SETD6: variants seen among roughly 807,000 people sequenced by gnomAD.
The protein encoded by SETD6 is N-lysine methyltransferase SETD6.
Under a neutral mutation model 52.7 loss-of-function variants are expected in SETD6, and 67 were observed. That is an observed-to-expected ratio of 1.27 (90% CI 1.04 to 1.56). SETD6 has a LOEUF of 1.56. Ranked by LOEUF, SETD6 falls within the 40% of genes most tolerant of loss-of-function variation. The pLI is 0.00. For missense variants in SETD6, 712 were observed against 607.5 expected, an observed-to-expected ratio of 1.17 and a Z score of -1.81; for synonymous variants, 307 against 250.2, an observed-to-expected ratio of 1.23 and a Z score of -2.14.
In SETD6 at chr16:58,521,887, G is replaced by A. The variant is rs1597387115; in HGVS notation, c.*2858G>A. ...AATCGCTTGAACCCAGTAGGTGGAG[G>A]TTGTGGTGAGCCGAGATGGTGCCAC... On this transcript the variant is annotated 3_prime_UTR_variant, in exon 8 of 8. Coordinates refer to ENST00000219315, the MANE Select transcript of SETD6 (RefSeq NM_001160305.4). Among the ~76,000 whole-genome samples, 2 of 152,136 alleles carry A rather than the reference G, an allele frequency of 1.3e-5. No individual in the cohort carries two copies. The highest frequency in any genetic ancestry group is 6.5e-5 in the Admixed American group (1 of 15,278).
chr16:58,516,393 A>G (rs931369071), intron 3 of SETD6, 50 bp downstream of exon 3: 2 of 1,534,730 alleles, frequency 1.3e-6, no homozygotes, highest in Non-Finnish European at 8.7e-7. Flanking sequence ...AGCCTGCTGC[A>G]AGAAGTTTCC....
In SETD6 at chr16:58,520,082, T is replaced by A. The variant is rs1054255039; in HGVS notation, c.*1053T>A. 6.6e-6 allele frequency: 1 copy of A among 152,206 alleles called. No homozygotes were observed. The highest frequency in any genetic ancestry group is 2.4e-5 in the African/African-American group (1 of 41,452). The allele number at this position is 152,206 out of a possible 1,614,324, so 9.4% of individuals were successfully genotyped here. ...ATTTGCAAAACATTCAAAATCCTTA[T>A]AAAAGGGGCTGTATTGGTCCTTTCA... On this transcript the variant is annotated 3_prime_UTR_variant, in exon 8 of 8. Transcript: ENST00000219315.
chr16:58,517,070 G>C (rs775714163), intron 5 of SETD6, 142 bp downstream of exon 5: 1 of 1,209,076 alleles, frequency 8.3e-7, no homozygotes, highest in East Asian at 2.4e-5. Flanking sequence ...TATTACTGTA[G>C]AATCATTTGA....
rs1326397959 is a variant in SETD6 at position 58,515,564 on chromosome 16, G to A, written c.27G>A (p.Arg9=). 2.5e-6 allele frequency: 4 copies of A among 1,580,376 alleles called. No homozygotes were observed. The highest frequency in any genetic ancestry group is 1.4e-5 in the African/African-American group (1 of 72,428). Residue 9 remains arginine (R), a splice_region_variant and synonymous_variant, in exon 1 of 8, where the codon CGG becomes CGA. Coordinates refer to ENST00000219315, the MANE Select transcript of SETD6 (RefSeq NM_001160305.4). Reference sequence around the variant, plus strand: ...TGGCGACCCAGGCGAAGCGTCCACGGGTGAGTGGCGGGCGCGGGGTCCAGC... The same window carrying A: ...TGGCGACCCAGGCGAAGCGTCCACGAGTGAGTGGCGGGCGCGGGGTCCAGC... The part of the protein sequence containing the change: MATQAKRP[R]VAGPVDGGDL...
In SETD6 at chr16:58,523,240, G is replaced by T; in HGVS notation, c.*4211G>T. 1.0e-6 allele frequency: 1 copy of T among 958,198 alleles called. No homozygotes were observed. The highest frequency in any genetic ancestry group is 1.5e-6 in the Non-Finnish European group (1 of 679,468). 59.4% of individuals were successfully genotyped at this position (958,198 alleles called of 1,614,324 possible). ...AGACTGAGTGACAGAGCAACACTCCGTCTCAAAAAAACAAAAAAAAAACCA... is the reference window on the plus strand; with the variant it reads ...AGACTGAGTGACAGAGCAACACTCCTTCTCAAAAAAACAAAAAAAAAACCA... On this transcript the variant is annotated 3_prime_UTR_variant, in exon 8 of 8. Transcript: ENST00000219315.
At position 58,519,081 on chromosome 16, in the gene SETD6, A is replaced by G. The variant is rs759010282; in HGVS notation, c.*52A>G. The G allele has an allele frequency of 9.4e-6, 14 of 1,494,800 alleles. No homozygotes were observed. Among genetic ancestry groups the G allele is most frequent in the Non-Finnish European group, 1.2e-5 (13 of 1,114,516 alleles). 92.6% of individuals were successfully genotyped at this position (1,494,800 alleles called of 1,614,324 possible). A position where few individuals can be genotyped will look rare whatever the true frequency, so the allele number is the denominator to read the frequency against. ...GCAATAAGAACTTTATTCTAAGCTA[A>G]TACTCATTGATGTTTGAAAAAGAGG... On this transcript the variant is annotated 3_prime_UTR_variant, in exon 8 of 8. Transcript: ENST00000219315.
chr16:58,523,188 T>G lies in SETD6; in HGVS notation c.*4159T>G. The G allele has an allele frequency of 2.2e-6, 1 of 448,084 alleles. No homozygotes were observed. Among genetic ancestry groups the G allele is most frequent in the Non-Finnish European group, 3.7e-6 (1 of 272,176 alleles). 27.8% of individuals were successfully genotyped at this position (448,084 alleles called of 1,614,324 possible). A position where few individuals can be genotyped will look rare whatever the true frequency, so the allele number is the denominator to read the frequency against. ...TGAACCTGGGAGGCGGAGGTTGCAG[T>G]GAGCCAAGATGGCGCCACTGTACTG... is the stretch of plus-strand genomic sequence containing the variant. On this transcript the variant is annotated 3_prime_UTR_variant, in exon 8 of 8. Transcript: ENST00000219315.
Position 58,515,797 on chromosome 16 carries a change from G to C in SETD6, c.34G>C (p.Gly12Arg). Reference protein sequence around the residue: ...ATQAKRPRVAGPVDGGDLDPV... With the variant: ...ATQAKRPRVARPVDGGDLDPV... ...CTGCGCGCACTTATCTCAGGTGGCG[G>C]GGCCCGTGGACGGCGGCGACCTGGA... The change falls in exon 2 of 8, where the codon GGG becomes CGG. Residue 12 changes from glycine (G) to arginine (R), a missense_variant. Gly to Arg is a moderately radical substitution (Grantham distance 125, BLOSUM62 -2). Coordinates refer to ENST00000219315, the MANE Select transcript of SETD6 (RefSeq NM_001160305.4). 2 of 1,512,858 alleles carry C rather than the reference G, an allele frequency of 1.3e-6. No homozygotes were observed. Among genetic ancestry groups the C allele is most frequent in the Non-Finnish European group, 1.8e-6 (2 of 1,139,560 alleles). 93.7% of individuals were successfully genotyped at this position (1,512,858 alleles called of 1,614,324 possible). A position where few individuals can be genotyped will look rare whatever the true frequency, so the allele number is the denominator to read the frequency against.
chr16:58,519,058 A>G lies in SETD6; in HGVS notation c.*29A>G. The G allele has an allele frequency of 6.4e-7, 1 of 1,564,794 alleles. No homozygotes were observed. The highest frequency in any genetic ancestry group is 8.7e-7 in the Non-Finnish European group (1 of 1,154,312). Reference sequence around the variant, plus strand: ...TTTCCCTGTTCCCTGAAGGAACAGCAATAAGAACTTTATTCTAAGCTAATA... The same window carrying G: ...TTTCCCTGTTCCCTGAAGGAACAGCGATAAGAACTTTATTCTAAGCTAATA... On this transcript the variant is annotated 3_prime_UTR_variant, in exon 8 of 8. Transcript: ENST00000219315.
Position 58,521,406 on chromosome 16 carries a change from G to A in SETD6, c.*2377G>A. 1 of 1,363,628 alleles carries A rather than the reference G, an allele frequency of 7.3e-7. No individual in the cohort carries two copies. The highest frequency in any genetic ancestry group is 1.4e-5 in the South Asian group (1 of 71,888). 84.5% of individuals were successfully genotyped at this position (1,363,628 alleles called of 1,614,324 possible). On this transcript the variant is annotated 3_prime_UTR_variant, in exon 8 of 8. Coordinates refer to ENST00000219315, the MANE Select transcript of SETD6 (RefSeq NM_001160305.4). ...ATTACTTTTTTTCTAACTTCTCCCT[G>A]ACTATTGAACCACATGCAAAAGTTT...
chr16:58,515,855 G>T lies in SETD6; in HGVS notation c.92G>T (p.Arg31Leu). The change falls in exon 2 of 8, where the codon CGG (arginine) becomes CTG (leucine). Residue 31 changes from arginine to leucine, a missense_variant. Coordinates refer to ENST00000219315, the MANE Select transcript of SETD6 (RefSeq NM_001160305.4). ...PVACFLSWCR[R>L]VGLELSPKVS... ...GCCTGCTTCCTGAGCTGGTGCCGGCGGGTGGGGCTGGAGCTGAGTCCCAAG... is the reference window on the plus strand; with the variant it reads ...GCCTGCTTCCTGAGCTGGTGCCGGCTGGTGGGGCTGGAGCTGAGTCCCAAG... 1 of 1,527,566 alleles carries T rather than the reference G, an allele frequency of 6.5e-7. No homozygotes were observed. The allele number at this position is 1,527,566 out of a possible 1,614,324, so 94.6% of individuals were successfully genotyped here. A position where few individuals can be genotyped will look rare whatever the true frequency, so the allele number is the denominator to read the frequency against.
At position 58,523,202 on chromosome 16, in the gene SETD6, G is replaced by A. The variant is rs555365815; in HGVS notation, c.*4173G>A. ...GGAGGTTGCAGTGAGCCAAGATGGC[G>A]CCACTGTACTGCAGACTGAGTGACA... On this transcript the variant is annotated 3_prime_UTR_variant, in exon 8 of 8. Transcript: ENST00000219315. 22 of 509,020 alleles carry A rather than the reference G, an allele frequency of 4.3e-5. No homozygotes were observed. The highest frequency in any genetic ancestry group is 1.2e-4 in the South Asian group (2 of 16,236). The allele number at this position is 509,020 out of a possible 1,614,324, so 31.5% of individuals were successfully genotyped here. A position where few individuals can be genotyped will look rare whatever the true frequency, so the allele number is the denominator to read the frequency against.
chr16:58,520,011 C>A lies in SETD6; in HGVS notation c.*982C>A, dbSNP rs766826219. The A allele has an allele frequency of 5.9e-5, 9 of 152,218 alleles. No homozygotes were observed. Among genetic ancestry groups the A allele is most frequent in the Non-Finnish European group, 1.0e-4 (7 of 68,056 alleles). The allele number at this position is 152,218 out of a possible 1,614,324, so 9.4% of individuals were successfully genotyped here. On this transcript the variant is annotated 3_prime_UTR_variant, in exon 8 of 8. Transcript: ENST00000219315. ...CATACACATACAAGAAGTAGGGGAG[C>A]TGAAGCCCAGGAAAAGGCTACAAAA...
rs745470066 is a variant in SETD6, at chr16:58,515,519, G to C, written c.-19G>C. ...GACCGCGCGGTGCGCCGGCCCGCGAGGAAACGCGCTCTTAGACCATGGCGA... is the reference window on the plus strand; with the variant it reads ...GACCGCGCGGTGCGCCGGCCCGCGACGAAACGCGCTCTTAGACCATGGCGA... On this transcript the variant is annotated 5_prime_UTR_variant, in exon 1 of 8. Transcript: ENST00000219315. 7 of 1,581,404 alleles carry C rather than the reference G, an allele frequency of 4.4e-6. No homozygotes were observed. The highest frequency in any genetic ancestry group is 6.0e-6 in the Non-Finnish European group (7 of 1,168,866).
Position 58,521,883 on chromosome 16 carries a change from G to A in SETD6, c.*2854G>A, listed in dbSNP as rs868453394. ...GGAGAATCGCTTGAACCCAGTAGGT[G>A]GAGGTTGTGGTGAGCCGAGATGGTG... On this transcript the variant is annotated 3_prime_UTR_variant, in exon 8 of 8. Coordinates refer to ENST00000219315, the MANE Select transcript of SETD6 (RefSeq NM_001160305.4). 1.5e-4 allele frequency among the ~76,000 whole-genome samples: 23 copies of A among 152,216 alleles called. No homozygotes were observed. The highest frequency in any genetic ancestry group is 2.1e-4 in the South Asian group (1 of 4,816).
chr16:58,516,113 G>C lies in SETD6; in HGVS notation c.334+16G>C. ...CTGGAGCGAGGTGGGCACGGCGGCGGGCTAGGGCCCTGGGGCGGGGCGGGG... is the reference window on the plus strand; with the variant it reads ...CTGGAGCGAGGTGGGCACGGCGGCGCGCTAGGGCCCTGGGGCGGGGCGGGG... On this transcript the variant is annotated intron_variant, in intron 2 of 7. Transcript: ENST00000219315. 1.6e-6 allele frequency: 2 copies of C among 1,262,710 alleles called. No individual in the cohort carries two copies. Among genetic ancestry groups the C allele is most frequent in the Non-Finnish European group, 2.0e-6 (2 of 1,002,932 alleles). The allele number at this position is 1,262,710 out of a possible 1,614,324, so 78.2% of individuals were successfully genotyped here. A position where few individuals can be genotyped will look rare whatever the true frequency, so the allele number is the denominator to read the frequency against.
At chr16:58,515,674 C>T in intron 1 of SETD6, 110 bp downstream of exon 1, 2 of 1,407,916 alleles carry the variant, frequency 1.4e-6, no homozygotes, top group Admixed American at 6.0e-5. Flanking sequence ...TCCCGCGCCC[C>T]TCTCCGCTCG....
Position 58,521,305 on chromosome 16 carries a change from T to C in SETD6, c.*2276T>C. The C allele has an allele frequency of 6.2e-7, 1 of 1,607,766 alleles. No homozygotes were observed. On this transcript the variant is annotated 3_prime_UTR_variant, in exon 8 of 8. Coordinates refer to ENST00000219315, the MANE Select transcript of SETD6 (RefSeq NM_001160305.4). ...GATGTGGCCTATTTACAATCAACCGTTCCAAGAGAACTCTGGAAAAAGGGA... is the reference window on the plus strand; with the variant it reads ...GATGTGGCCTATTTACAATCAACCGCTCCAAGAGAACTCTGGAAAAAGGGA...
At position 58,521,079 on chromosome 16, in the gene SETD6, G is replaced by C. The variant is rs371300514; in HGVS notation, c.*2050G>C. The C allele has an allele frequency of 5.6e-6, 9 of 1,613,452 alleles. No individual in the cohort carries two copies. Among genetic ancestry groups the C allele is most frequent in the Non-Finnish European group, 7.6e-6 (9 of 1,179,526 alleles). Reference sequence around the variant, plus strand: ...TTACAAATCTCTGATTAAAGAGTAGGCCTAACAATACCTTGCATCTCATTC... The same window carrying C: ...TTACAAATCTCTGATTAAAGAGTAGCCCTAACAATACCTTGCATCTCATTC... On this transcript the variant is annotated 3_prime_UTR_variant, in exon 8 of 8. Coordinates refer to ENST00000219315, the MANE Select transcript of SETD6 (RefSeq NM_001160305.4).
Sources: gnomAD v4.1 joint callset for allele counts (sites outside exome capture counted in the v4.1 genomes callset) on GRCh38, gnomAD v4.1.1 for gene constraint, MANE v1.5 for transcripts, NCBI Gene and HGNC (gene_info 2026-07-23, HGNC 2026-07-21) for gene names.